The following NKAIN2 variants were observed in gnomAD, a reference collection of about 807,000 sequenced individuals.
NKAIN2 encodes sodium/potassium transporting ATPase interacting 2.
NKAIN2 carries 14 observed loss-of-function variants against 32.6 expected under a neutral mutation model. The ratio of observed to expected loss-of-function variants is 0.43; its 90% confidence interval spans 0.28 to 0.67. NKAIN2 has a LOEUF of 0.67. Ranked by LOEUF, NKAIN2 falls within the 30% of genes least tolerant of loss-of-function variation. The pLI is 0.17. For synonymous variants in NKAIN2, 80 were observed against 87.2 expected, an observed-to-expected ratio of 0.92 and a Z score of 0.46; for missense variants, 198 against 258.3, an observed-to-expected ratio of 0.77 and a Z score of 1.60.
chr6:124,806,244 A>G (rs1269116039), intron 5 of NKAIN2, among the ~76,000 whole-genome samples: 2 of 152,132 alleles, frequency 1.3e-5, no homozygotes, highest in Non-Finnish European at 2.9e-5. Flanking sequence ...AGAGAGAAAG[A>G]TCGGGTTACA....
intron 3 of NKAIN2, among the ~76,000 whole-genome samples, chr6:124,356,221 AT>A (rs988471985): frequency 2.0e-5 from 3 of 152,198 alleles, no homozygotes; most frequent in Middle Eastern, 3.4e-3. Context: ...GCTAAAAAAA[AT>A]TTTTTTTAAA....
intron 2 of NKAIN2, among the ~76,000 whole-genome samples, chr6:124,342,283 C>G (rs941233128): frequency 2.7e-5 from 4 of 150,612 alleles, no homozygotes; most frequent in Non-Finnish European, 5.9e-5. Context: ...GTGGTGGGCA[C>G]CTGTAGTCCC....
chr6:123,911,810 T>TACACAA (rs1375455189), intron 1 of NKAIN2, among the ~76,000 whole-genome samples: 6 of 94,296 alleles, frequency 6.4e-5, no homozygotes, highest in African/African-American at 3.4e-4. Context: ...TGTATATATA[T>TACACAA]ATACACACAC....
chr6:124,040,312 T>A (rs1298619058), intron 1 of NKAIN2, among the ~76,000 whole-genome samples: 1 of 151,944 alleles, frequency 6.6e-6, no homozygotes, highest in African/African-American at 2.4e-5. Flanking sequence ...GTGTCTTTCT[T>A]CTGTTTTCCT....
intron 4 of NKAIN2, among the ~76,000 whole-genome samples, chr6:124,750,398 C>A (rs1027903325): frequency 3.3e-5 from 5 of 151,762 alleles, no homozygotes; most frequent in Non-Finnish European, 5.9e-5. Context: ...TCCTCTAATA[C>A]CTTATAAACT....
chr6:124,679,408 G>A (rs139192077), intron 4 of NKAIN2, among the ~76,000 whole-genome samples: 11 of 152,214 alleles, frequency 7.2e-5, no homozygotes, highest in East Asian at 1.9e-4. Context: ...TATGAATGTC[G>A]GACATATTTC....
rs112046893 is a variant in NKAIN2 at position 124,418,108 on chromosome 6, G to A, written c.273+62761G>A. Reference sequence around the variant, plus strand: ...TAGGCATTAAATATATTTCAGCTTCGCTTTCATTCCTGGCCAAAAAAAATG... The same window carrying A: ...TAGGCATTAAATATATTTCAGCTTCACTTTCATTCCTGGCCAAAAAAAATG... On this transcript the variant is annotated intron_variant, in intron 3 of 6. Coordinates refer to ENST00000368417, the MANE Select transcript of NKAIN2 (RefSeq NM_001040214.3). Among the ~76,000 whole-genome samples, 11 of 151,602 alleles carry A rather than the reference G, an allele frequency of 7.3e-5. 1 individual carries two copies. Among genetic ancestry groups the A allele is most frequent in the South Asian group, 4.2e-4 (2 of 4,798 alleles).
intron 1 of NKAIN2, among the ~76,000 whole-genome samples, chr6:124,146,847 T>C (rs1159588000): frequency 6.6e-6 from 1 of 152,062 alleles, no homozygotes; most frequent in Non-Finnish European, 1.5e-5. Context: ...AGAAAACTAT[T>C]GAGGAAAGCA....
Position 124,218,765 on chromosome 6 carries a change from T to G in NKAIN2, c.55-64240T>G, listed in dbSNP as rs182170348. 5.9e-5 allele frequency among the ~76,000 whole-genome samples: 9 copies of G among 152,308 alleles called. No homozygotes were observed. In the East Asian group the frequency reaches 1.7e-3, roughly 29 times the overall value. On this transcript the variant is annotated intron_variant, in intron 1 of 6. Transcript: ENST00000368417. ...AAAATCATCTAATCTGACCTACTTTTAAATACCAGTTACTAGTAGACCAAG... is the reference window on the plus strand; with the variant it reads ...AAAATCATCTAATCTGACCTACTTTGAAATACCAGTTACTAGTAGACCAAG...
chr6:124,679,926 A>T (rs1773537027), intron 4 of NKAIN2, among the ~76,000 whole-genome samples: 1 of 152,176 alleles, frequency 6.6e-6, no homozygotes, highest in Non-Finnish European at 1.5e-5. Flanking sequence ...ATGAGTCTGA[A>T]ATTTAGGCAA....
At chr6:124,579,788 A>G (rs1781457465) in intron 3 of NKAIN2, among the ~76,000 whole-genome samples, 1 of 152,214 alleles carries the variant, frequency 6.6e-6, no homozygotes, top group African/African-American at 2.4e-5. Flanking sequence ...TTAATAATCA[A>G]ACTACCAAAG....
chr6:124,303,785 G>A (rs1358809791), intron 2 of NKAIN2, among the ~76,000 whole-genome samples: 2 of 152,204 alleles, frequency 1.3e-5, no homozygotes, highest in Non-Finnish European at 2.9e-5. Flanking sequence ...AAAATTATCA[G>A]ACCTGCAGTA....
intron 3 of NKAIN2, among the ~76,000 whole-genome samples, chr6:124,582,953 A>G (rs967663617): frequency 6.6e-6 from 1 of 152,166 alleles, no homozygotes; most frequent in Non-Finnish European, 1.5e-5. Flanking sequence ...AAAACTAGGT[A>G]TAGAAGGATA....
In NKAIN2 at chr6:124,339,044, G is replaced by A. The variant is rs545915953; in HGVS notation, c.193-16223G>A. On this transcript the variant is annotated intron_variant, in intron 2 of 6. Transcript: ENST00000368417. ...TGGTTTAAAACTGCAGAAATTGGCC[G>A]GACCCAGTGGCTCACGGGCTGGGTG... Among the ~76,000 whole-genome samples the A allele has an allele frequency of 7.8e-4, 118 of 152,190 alleles. 1 individual carries two copies. The highest frequency in any genetic ancestry group is 6.8e-3 in the Middle Eastern group (2 of 294).
intron 3 of NKAIN2, among the ~76,000 whole-genome samples, chr6:124,394,561 C>T (rs756288261): frequency 6.7e-6 from 1 of 150,024 alleles, no homozygotes; most frequent in South Asian, 2.1e-4. Context: ...GAAATTGACT[C>T]ATGTAATTAT....
chr6:124,210,434 T>A (rs967136848), intron 1 of NKAIN2, among the ~76,000 whole-genome samples: 7 of 151,862 alleles, frequency 4.6e-5, no homozygotes, highest in South Asian at 2.1e-4. Context: ...CTTTTGTGGT[T>A]CCATATAATT....
chr6:124,446,001 G>A (rs1054027586), intron 3 of NKAIN2, among the ~76,000 whole-genome samples: 3 of 152,070 alleles, frequency 2.0e-5, no homozygotes, highest in African/African-American at 2.4e-5. Context: ...TCAAAATGGG[G>A]GAGCGGGAAT....
intron 3 of NKAIN2, among the ~76,000 whole-genome samples, chr6:124,356,323 A>G (rs12210555): frequency 7.2e-5 from 11 of 152,242 alleles, no homozygotes; most frequent in African/African-American, 2.6e-4. Context: ...ATGATCTTAC[A>G]TGCAGGAGTT....
At chr6:124,713,174 TA>T (rs1223213288) in intron 4 of NKAIN2, among the ~76,000 whole-genome samples, 2 of 152,190 alleles carry the variant, frequency 1.3e-5, no homozygotes, top group Non-Finnish European at 2.9e-5. Flanking sequence ...TCCTATGATA[TA>T]GGATTATGCT....
Sources: allele counts gnomAD v4.1 joint callset (sites outside exome capture counted in the v4.1 genomes callset), GRCh38; gene constraint gnomAD v4.1.1; transcripts MANE v1.5; gene names NCBI Gene and HGNC (gene_info 2026-07-23, HGNC 2026-07-21).